Variants in ROR2 observed in about 807,000 individuals in gnomAD.
The protein encoded by ROR2 is tyrosine-protein kinase transmembrane receptor ROR2.
A neutral mutation model predicts 74.9 loss-of-function variants in ROR2; 33 were observed. That is an observed-to-expected ratio of 0.44 (90% CI 0.33 to 0.59). ROR2 has a LOEUF of 0.59. Among genes scored for constraint, ROR2 ranks in the 20% least tolerant of loss-of-function variants. ROR2 has a pLI of 0.02. For missense variants in ROR2, 1,216 were observed against 1,313.8 expected (o/e 0.93, Z 1.15); for synonymous variants, 586 against 558.7 (o/e 1.05, Z -0.69).
intron 2 of ROR2, among the ~76,000 whole-genome samples, chr9:91,764,587 C>CACACACACACA (rs1554757119): frequency 2.2e-5 from 3 of 139,328 alleles, no homozygotes; most frequent in Non-Finnish European, 3.1e-5. Flanking sequence ...CACACACACA[C>CACACACACACA]CACACACATT....
At chr9:91,738,437 T>G (rs902597445) in intron 4 of ROR2, among the ~76,000 whole-genome samples, 1 of 152,168 alleles carries the variant, frequency 6.6e-6, no homozygotes, top group African/African-American at 2.4e-5. Flanking sequence ...TGTGTATACA[T>G]GCACATACCC....
intron 1 of ROR2, among the ~76,000 whole-genome samples, chr9:91,849,157 C>G (rs531802673): frequency 1.9e-4 from 29 of 152,248 alleles, no homozygotes; most frequent in Middle Eastern, 6.8e-3. Context: ...GGGACCAAAC[C>G]CTTTCTTGAG....
chr9:91,902,206 C>T (rs1283044941), intron 1 of ROR2, among the ~76,000 whole-genome samples: 2 of 152,140 alleles, frequency 1.3e-5, no homozygotes, highest in Non-Finnish European at 1.5e-5. Context: ...GAAGGAGAAA[C>T]AATTATTTTT....
chr9:91,772,640 G>A (rs943109828), intron 2 of ROR2, among the ~76,000 whole-genome samples: 2 of 152,124 alleles, frequency 1.3e-5, no homozygotes, highest in Non-Finnish European at 1.5e-5. Flanking sequence ...CCCACTTGAC[G>A]GGCCACCTTT....
Position 91,757,300 on chromosome 9 carries a change from G to A in ROR2, c.435C>T (p.Thr145=), listed in dbSNP as rs779139938. 17 of 1,613,838 alleles carry A rather than the reference G, an allele frequency of 1.1e-5. No individual in the cohort carries two copies. Among genetic ancestry groups the A allele is most frequent in the Admixed American group, 3.3e-5 (2 of 59,970 alleles). Residue 145 remains threonine (T), a synonymous_variant, in exon 3 of 9, where the codon ACC becomes ACT. Coordinates refer to ENST00000375708, the MANE Select transcript of ROR2 (RefSeq NM_004560.4). Reference sequence around the variant, plus strand: ...GCCGCACAAACAGGACGCCAGTGGCGGTAATGGTCTTCATCCCGTTGGTGG... The same window carrying A: ...GCCGCACAAACAGGACGCCAGTGGCAGTAATGGTCTTCATCCCGTTGGTGG... ...CVATNGMKTI[T]ATGVLFVRLG...
At chr9:91,802,012 A>G (rs1827396872) in intron 1 of ROR2, among the ~76,000 whole-genome samples, 1 of 151,322 alleles carries the variant, frequency 6.6e-6, no homozygotes, top group African/African-American at 2.4e-5. Context: ...GCCGAGCCCA[A>G]GCCATTTGCT....
At chr9:91,739,183 G>C (rs916674293) in intron 4 of ROR2, among the ~76,000 whole-genome samples, 1 of 152,158 alleles carries the variant, frequency 6.6e-6, no homozygotes, top group African/African-American at 2.4e-5. Context: ...TCCATTTAGA[G>C]TAGACCATCC....
At chr9:91,900,396 C>T (rs1830643561) in intron 1 of ROR2, among the ~76,000 whole-genome samples, 1 of 152,226 alleles carries the variant, frequency 6.6e-6, no homozygotes, top group Non-Finnish European at 1.5e-5. Context: ...CCGACCCTGG[C>T]GCAGGCCCCC....
Position 91,725,538 on chromosome 9 carries a change from C to CT in ROR2, c.1387-432dup, listed in dbSNP as rs1225713810. Among the ~76,000 whole-genome samples the CT allele has an allele frequency of 2.0e-5, 3 of 152,298 alleles. No homozygotes were observed. The East Asian group carries it at 5.8e-4, about 29-fold the overall frequency. ...CGACACATCACGTGAGATGTGATGT[C>CT]TTTTTCTCATGGACCCCACAGAGGC... On this transcript the variant is annotated intron_variant, in intron 8 of 8. Transcript: ENST00000375708.
At chr9:91,850,453 C>A (rs1183339459) in intron 1 of ROR2, among the ~76,000 whole-genome samples, 1 of 152,090 alleles carries the variant, frequency 6.6e-6, no homozygotes, top group Non-Finnish European at 1.5e-5. Context: ...CACAAAGGTC[C>A]TTCAGGACCA....
At chr9:91,763,100 C>T (rs1001963960) in intron 2 of ROR2, among the ~76,000 whole-genome samples, 2 of 152,130 alleles carry the variant, frequency 1.3e-5, no homozygotes, top group Non-Finnish European at 2.9e-5. Context: ...CATGTTCTCA[C>T]TTATAAGTGG....
At chr9:91,883,580 G>T (rs968377390) in intron 1 of ROR2, among the ~76,000 whole-genome samples, 1 of 152,134 alleles carries the variant, frequency 6.6e-6, no homozygotes, top group African/African-American at 2.4e-5. Flanking sequence ...GTGGCTGCAG[G>T]CTACTGATTT....
chr9:91,942,844 TA>T (rs1440356175), intron 1 of ROR2, among the ~76,000 whole-genome samples: 1 of 152,156 alleles, frequency 6.6e-6, no homozygotes, highest in Non-Finnish European at 1.5e-5. Flanking sequence ...TTTTCTCCCC[TA>T]GAGCCCTGGG....
At chr9:91,906,870 C>T (rs775605105) in intron 1 of ROR2, among the ~76,000 whole-genome samples, 1 of 152,078 alleles carries the variant, frequency 6.6e-6, no homozygotes, top group Non-Finnish European at 1.5e-5. Flanking sequence ...GGTTTTCAGG[C>T]TTTTATATTT....
chr9:91,934,115 G>T (rs113971495), intron 1 of ROR2, among the ~76,000 whole-genome samples: 1,773 of 152,206 alleles, frequency 0.012, 36 homozygotes, highest in African/African-American at 0.039. Context: ...ATGCGGGGGG[G>T]CGAGTGAAAA....
chr9:91,766,794 C>T (rs1243461182), intron 2 of ROR2, among the ~76,000 whole-genome samples: 1 of 152,186 alleles, frequency 6.6e-6, no homozygotes, highest in African/African-American at 2.4e-5. Context: ...ACTGAGGTTT[C>T]GGCTCACTTG....
rs557743395 is a variant in ROR2 at position 91,920,300 on chromosome 9, G to A, written c.97+29567C>T. On this transcript the variant is annotated intron_variant, in intron 1 of 8. Transcript: ENST00000375708. ...AGTGGGAGGTCACTAGAGCCCAGGA[G>A]TTAATGATCAGCCCTGGCAACATAG... Among the ~76,000 whole-genome samples the A allele has an allele frequency of 5.3e-5, 8 of 152,300 alleles. No individual in the cohort carries two copies. The South Asian group carries it at 1.5e-3, about 28-fold the overall frequency.
intron 1 of ROR2, among the ~76,000 whole-genome samples, chr9:91,790,421 A>C (rs1442946519): frequency 6.6e-6 from 1 of 152,014 alleles, no homozygotes; most frequent in Non-Finnish European, 1.5e-5. Flanking sequence ...GAGGCAGAAT[A>C]ATCGCTTGAA....
intron 1 of ROR2, among the ~76,000 whole-genome samples, chr9:91,936,944 G>A (rs368600459): frequency 4.8e-4 from 71 of 147,922 alleles, no homozygotes; most frequent in African/African-American, 1.7e-3. Flanking sequence ...GCAGGGGAAT[G>A]GCGTGAACCC....
Sources: allele counts gnomAD v4.1 joint callset (sites outside exome capture counted in the v4.1 genomes callset), GRCh38; gene constraint gnomAD v4.1.1; transcripts MANE v1.5; gene names NCBI Gene and HGNC (gene_info 2026-07-23, HGNC 2026-07-21).